The following PDCD1LG2 variants were observed in gnomAD, a reference collection of about 807,000 sequenced individuals.
The protein encoded by PDCD1LG2 is B7 dendritic cell molecule.
Under a neutral mutation model 28.2 loss-of-function variants are expected in PDCD1LG2, and 32 were observed. The observed-to-expected ratio is 1.13, with a 90% CI of 0.86 to 1.52. The LOEUF (loss-of-function observed/expected upper bound fraction) is 1.52. Among genes scored for constraint, PDCD1LG2 ranks in the 40% most tolerant of loss-of-function variants. The pLI, the probability that PDCD1LG2 is intolerant of heterozygous loss-of-function variation, is 0.00. For synonymous variants in PDCD1LG2, 116 were observed against 120.2 expected, an observed-to-expected ratio of 0.97 and a Z score of 0.23; for missense variants, 385 against 323.8, an observed-to-expected ratio of 1.19 and a Z score of -1.45.
chr9:5,547,394 G>A (rs1341478721), intron 3 of PDCD1LG2, among the ~76,000 whole-genome samples: 2 of 152,086 alleles, frequency 1.3e-5, no homozygotes, highest in African/African-American at 4.8e-5. Context: ...ATCAACAGGT[G>A]ACTTTCCACA....
At chr9:5,545,169 CTTG>C (rs978209302) in intron 3 of PDCD1LG2, among the ~76,000 whole-genome samples, 96 of 152,322 alleles carry the variant, frequency 6.3e-4, no homozygotes, top group Admixed American at 6.3e-3. Flanking sequence ...ATTTAACACC[CTTG>C]TTAAGGATAA....
At chr9:5,544,601 A>G (rs1820756254) in intron 3 of PDCD1LG2, among the ~76,000 whole-genome samples, 1 of 152,212 alleles carries the variant, frequency 6.6e-6, no homozygotes, top group African/African-American at 2.4e-5. Context: ...TCTGAAGGCA[A>G]ACAGACCCAG....
At chr9:5,551,425 A>G (rs1325063002) in intron 4 of PDCD1LG2, among the ~76,000 whole-genome samples, 1 of 152,194 alleles carries the variant, frequency 6.6e-6, no homozygotes, top group East Asian at 1.9e-4. Context: ...AGAGAGGGTA[A>G]TATAAGAGTA....
At chr9:5,535,145 C>G (rs1563825870) in intron 3 of PDCD1LG2, 95 bp downstream of exon 3, 2 of 1,133,670 alleles carry the variant, frequency 1.8e-6, no homozygotes, top group Non-Finnish European at 1.2e-6. Flanking sequence ...CAAGCAAAAA[C>G]AAGCAGGCTG....
chr9:5,547,997 G>GT (rs200966988), intron 3 of PDCD1LG2, among the ~76,000 whole-genome samples: 2,242 of 148,870 alleles, frequency 0.015, 28 homozygotes, highest in Non-Finnish European at 0.021. Flanking sequence ...TCACCAAGTT[G>GT]TTTTTTTGTG....
At chr9:5,512,459 T>C (rs16923193) in intron 1 of PDCD1LG2, among the ~76,000 whole-genome samples, 19,506 of 152,166 alleles carry the variant, frequency 0.13, 1,489 homozygotes, top group East Asian at 0.36. Context: ...TTTTCCTCCA[T>C]TGCCTCAGAA....
At chr9:5,540,730 C>T (rs1321364073) in intron 3 of PDCD1LG2, among the ~76,000 whole-genome samples, 9 of 151,600 alleles carry the variant, frequency 5.9e-5, no homozygotes, top group Non-Finnish European at 1.5e-5. Flanking sequence ...TTAAAATTGT[C>T]AACAAAAAAA....
intron 3 of PDCD1LG2, among the ~76,000 whole-genome samples, chr9:5,538,407 C>T (rs10975167): frequency 0.22 from 32,890 of 151,862 alleles, 5,804 homozygotes; most frequent in African/African-American, 0.49. Flanking sequence ...CACATTAGGC[C>T]GGGCGCGGTG....
intron 3 of PDCD1LG2, among the ~76,000 whole-genome samples, chr9:5,543,241 A>T (rs527592271): frequency 1.3e-5 from 2 of 152,048 alleles, no homozygotes; most frequent in Admixed American, 6.6e-5. Context: ...GGTGAGAGAT[A>T]AAAAACTCCA....
At chr9:5,539,737 G>A (rs907940971) in intron 3 of PDCD1LG2, among the ~76,000 whole-genome samples, 7 of 152,194 alleles carry the variant, frequency 4.6e-5, no homozygotes, top group Non-Finnish European at 7.3e-5. Flanking sequence ...GGTTGCAGAG[G>A]AGGCACTAAA....
intron 4 of PDCD1LG2, among the ~76,000 whole-genome samples, chr9:5,552,112 G>C (rs897103251): frequency 6.6e-6 from 1 of 152,144 alleles, no homozygotes. Context: ...AACAGACTGG[G>C]GTTGTTGCAA....
At chr9:5,546,527 T>C (rs1188744997) in intron 3 of PDCD1LG2, among the ~76,000 whole-genome samples, 4 of 152,192 alleles carry the variant, frequency 2.6e-5, no homozygotes, top group African/African-American at 9.7e-5. Context: ...TCAAGGAGAT[T>C]GGTGAGTCTA....
At chr9:5,557,031 T>C (rs1465171834) in intron 4 of PDCD1LG2, among the ~76,000 whole-genome samples, 1 of 152,204 alleles carries the variant, frequency 6.6e-6, no homozygotes, top group Non-Finnish European at 1.5e-5. Context: ...CTAGGTTTAG[T>C]ATATTAACAC....
At chr9:5,516,315 G>A (rs2129693014) in intron 1 of PDCD1LG2, among the ~76,000 whole-genome samples, 1 of 152,328 alleles carries the variant, frequency 6.6e-6, no homozygotes, top group South Asian at 2.1e-4. Flanking sequence ...CCTCCCAAGT[G>A]CTGGGATTAC....
chr9:5,558,362 G>C (rs1447137509), intron 5 of PDCD1LG2, among the ~76,000 whole-genome samples: 3 of 152,222 alleles, frequency 2.0e-5, no homozygotes, highest in Non-Finnish European at 2.9e-5. Flanking sequence ...AGCTGGGACA[G>C]AGCATGCTGA....
chr9:5,565,989 G>A (rs531803916), intron 6 of PDCD1LG2, among the ~76,000 whole-genome samples: 140 of 152,154 alleles, frequency 9.2e-4, no homozygotes, highest in Non-Finnish European at 1.7e-3. Flanking sequence ...CCATGGTTAA[G>A]ATTTTAATAT....
intron 5 of PDCD1LG2, among the ~76,000 whole-genome samples, chr9:5,559,694 C>T (rs1167003534): frequency 6.6e-6 from 1 of 152,218 alleles, no homozygotes; most frequent in Non-Finnish European, 1.5e-5. Context: ...ACTCCTGCTA[C>T]CTCCAACTTG....
At chr9:5,522,173 G>C (rs577214809) in intron 1 of PDCD1LG2, among the ~76,000 whole-genome samples, 1,904 of 152,168 alleles carry the variant, frequency 0.013, 25 homozygotes, top group Non-Finnish European at 0.018. Context: ...TTATTCATTT[G>C]ACAAACAAAG....
intron 4 of PDCD1LG2, among the ~76,000 whole-genome samples, chr9:5,554,726 G>C (rs1357769767): frequency 1.3e-5 from 2 of 152,198 alleles, no homozygotes; most frequent in African/African-American, 4.8e-5. Flanking sequence ...AAATATAAAA[G>C]GACCCTTGTA....
Sources: allele counts gnomAD v4.1 joint callset (sites outside exome capture counted in the v4.1 genomes callset), GRCh38; gene constraint gnomAD v4.1.1; transcripts MANE v1.5; gene names NCBI Gene and HGNC (gene_info 2026-07-23, HGNC 2026-07-21).